AFF1: variants seen among roughly 807,000 people sequenced by gnomAD.
AFF1 encodes the protein ALF transcription elongation factor 1.
AFF1 carries 48 observed loss-of-function variants against 121.7 expected under a neutral mutation model. That is an observed-to-expected ratio of 0.39 (90% CI 0.31 to 0.50). AFF1 has a LOEUF of 0.50. Ranked by LOEUF, AFF1 falls within the 20% of genes least tolerant of loss-of-function variation. The probability of loss-of-function intolerance (pLI) is 0.76; values close to 1 mark genes in which losing one functional copy is unlikely to be tolerated. For synonymous variants in AFF1, 613 were observed against 563.0 expected, an observed-to-expected ratio of 1.09 and a Z score of -1.26; for missense variants, 1,523 against 1,511.7, an observed-to-expected ratio of 1.01 and a Z score of -0.12.
At chr4:86,993,189 G>A (rs889192294) in intron 2 of AFF1, among the ~76,000 whole-genome samples, 2 of 152,120 alleles carry the variant, frequency 1.3e-5, no homozygotes, top group African/African-American at 4.8e-5. Flanking sequence ...GGTTTTGCTT[G>A]GATTCAAACA....
rs952587683 is a variant in AFF1, at chr4:86,958,588, C to T, written c.38+10017C>T. 1.4e-3 allele frequency among the ~76,000 whole-genome samples: 206 copies of T among 151,972 alleles called. 2 individuals carry two copies. Among genetic ancestry groups the T allele is most frequent in the African/African-American group, 4.4e-3 (181 of 41,478 alleles). ...AAAAAATTAGCCGGGTGTGGTGGTA[C>T]GTGCCTGTAGTCCCAGCTACTCGGG... On this transcript the variant is annotated intron_variant, in intron 2 of 20. Coordinates refer to ENST00000395146, the MANE Select transcript of AFF1 (RefSeq NM_001166693.3).
chr4:87,069,271 C>T (rs1371858253), intron 4 of AFF1, among the ~76,000 whole-genome samples: 32 of 80,548 alleles, frequency 4.0e-4, no homozygotes, highest in South Asian at 9.5e-4. Flanking sequence ...TGTGTGGCCT[C>T]TTTTTTTTTT....
At chr4:87,112,692 C>T (rs941766539) in intron 11 of AFF1, among the ~76,000 whole-genome samples, 1 of 152,182 alleles carries the variant, frequency 6.6e-6, no homozygotes, top group African/African-American at 2.4e-5. Context: ...TCTTTCTTCC[C>T]CTTAAAACCT....
At chr4:86,964,798 T>C (rs1578859948) in intron 2 of AFF1, among the ~76,000 whole-genome samples, 1 of 152,210 alleles carries the variant, frequency 6.6e-6, no homozygotes, top group South Asian at 2.1e-4. Context: ...TAAATTTCTG[T>C]TTGCATTATT....
intron 5 of AFF1, among the ~76,000 whole-genome samples, chr4:87,089,298 T>C (rs987706162): frequency 6.6e-6 from 1 of 152,240 alleles, no homozygotes; most frequent in African/African-American, 2.4e-5. Flanking sequence ...TAGAAAAATT[T>C]GTGAATGTGT....
chr4:87,128,322 T>C (rs1728489703), intron 16 of AFF1, among the ~76,000 whole-genome samples: 1 of 152,232 alleles, frequency 6.6e-6, no homozygotes, highest in Non-Finnish European at 1.5e-5. Context: ...TTTTGGACTT[T>C]CTAAAAGGTG....
rs1279415904 is a variant in AFF1, at chr4:87,135,581, A to G, written c.3537A>G (p.Glu1179=). 6 of 1,551,252 alleles carry G rather than the reference A, an allele frequency of 3.9e-6. No individual in the cohort carries two copies. In the East Asian group the frequency reaches 1.1e-4, roughly 30 times the overall value. ...QAEALTRKNK[E]FFARLSTNVC... is the part of the protein sequence containing the mutation. ...TGTTTTGTTTTGTTTTTTTTGCAGA[A>G]TTCTTTGCTCGGCTCAGCACAAATG... is the stretch of plus-strand genomic sequence containing the variant. Residue 1179 remains glutamate (E), a splice_region_variant and synonymous_variant, in exon 21 of 21, where the codon GAA becomes GAG. Transcript: ENST00000395146.
chr4:87,069,948 G>A (rs1560595701), intron 4 of AFF1, among the ~76,000 whole-genome samples: 1 of 151,678 alleles, frequency 6.6e-6, no homozygotes, highest in Admixed American at 6.6e-5. Flanking sequence ...AGCCTCCTGA[G>A]TAGCTGGGAT....
At chr4:87,093,511 G>T (rs1167886866) in intron 7 of AFF1, among the ~76,000 whole-genome samples, 1 of 152,122 alleles carries the variant, frequency 6.6e-6, no homozygotes, top group Non-Finnish European at 1.5e-5. Context: ...CTCTGGAGAG[G>T]GGAGGTAGGG....
intron 2 of AFF1, among the ~76,000 whole-genome samples, chr4:87,021,679 C>T (rs1404428040): frequency 6.6e-6 from 1 of 152,186 alleles, no homozygotes; most frequent in Non-Finnish European, 1.5e-5. Flanking sequence ...AGAGAAATGT[C>T]TTCCTGAATC....
chr4:87,053,719 G>A (rs751952902), intron 4 of AFF1, among the ~76,000 whole-genome samples: 27 of 152,194 alleles, frequency 1.8e-4, no homozygotes, highest in Non-Finnish European at 3.7e-4. Context: ...GGTTAAAATG[G>A]TGGGCAAAAC....
intron 2 of AFF1, among the ~76,000 whole-genome samples, chr4:86,965,393 G>C (rs1330880772): frequency 6.6e-6 from 1 of 152,120 alleles, no homozygotes; most frequent in Non-Finnish European, 1.5e-5. Flanking sequence ...TTTTAACCAG[G>C]GTGTTTGGTT....
chr4:87,069,815 G>GA (rs1332020409), intron 4 of AFF1, among the ~76,000 whole-genome samples: 1 of 124,946 alleles, frequency 8.0e-6, no homozygotes. Context: ...TATCACTCAG[G>GA]ATTTTTTTTT....
intron 8 of AFF1, among the ~76,000 whole-genome samples, chr4:87,103,537 TTAGGTTTGGAA>T (rs1325945436): frequency 6.6e-6 from 1 of 152,216 alleles, no homozygotes; most frequent in East Asian, 1.9e-4. Flanking sequence ...TCCGTACTCT[TTAGGTTTGGAA>T]TAGGTTTTGT....
Position 87,047,589 on chromosome 4 carries a change from G to A in AFF1, c.1054G>A (p.Val352Ile), listed in dbSNP as rs1225682485. 1.2e-6 allele frequency: 2 copies of A among 1,614,192 alleles called. No homozygotes were observed. Among genetic ancestry groups the A allele is most frequent in the East Asian group, 2.2e-5 (1 of 44,886 alleles). Reference protein sequence around the residue: ...LTKLKMPSQSVEQTYSNEVHC... With the variant: ...LTKLKMPSQSIEQTYSNEVHC... ...CAAACTGAAGATGCCTTCTCAGTCAGTTGAGGTGTGTGGAATTTCTTATCT... is the reference window on the plus strand; with the variant it reads ...CAAACTGAAGATGCCTTCTCAGTCAATTGAGGTGTGTGGAATTTCTTATCT... Residue 352 changes from valine (V) to isoleucine (I), a missense_variant, in exon 4 of 21, where the codon GTT (valine) becomes ATT (isoleucine). Physicochemically the swap from Val to Ile is conservative, Grantham distance 29. This residue lies in a region of AFF1 where 905 missense variants were observed against 842.5 expected (regional missense o/e 1.07). Coordinates refer to ENST00000395146, the MANE Select transcript of AFF1 (RefSeq NM_001166693.3).
Position 87,114,680 on chromosome 4 carries a change from T to C in AFF1, c.1847T>C (p.Val616Ala), listed in dbSNP as rs1279657666. 4 of 1,610,782 alleles carry C rather than the reference T, an allele frequency of 2.5e-6. No individual in the cohort carries two copies. In the South Asian group the frequency reaches 4.4e-5, roughly 18 times the overall value. Residue 616 changes from valine (V) to alanine (A), a missense_variant, in exon 12 of 21, where the codon GTC becomes GCC. Around this residue, in one of 5 missense-constraint regions of AFF1, gnomAD observed 905 missense variants for 842.5 expected, o/e 1.07. Coordinates refer to ENST00000395146, the MANE Select transcript of AFF1 (RefSeq NM_001166693.3). ...GGAACCAAACAACCCAAAAAACCTG[T>C]CAAGGCCTCTGCCCGGGCAGGTTCA... ...TVGTKQPKKPVKASARAGSRT... is the reference protein window; with the variant it reads ...TVGTKQPKKPAKASARAGSRT...
intron 3 of AFF1, 120 bp downstream of exon 3, chr4:87,046,406 A>G (rs1730698593): frequency 7.5e-7 from 1 of 1,324,870 alleles, no homozygotes; most frequent in Admixed American, 2.4e-5. Flanking sequence ...AAGATAACTT[A>G]TTCTAACTTA....
chr4:87,012,223 T>C (rs951998291), intron 2 of AFF1, among the ~76,000 whole-genome samples: 1 of 128,290 alleles, frequency 7.8e-6, no homozygotes, highest in Non-Finnish European at 1.6e-5. Context: ...ATTTCTTGTT[T>C]TTTTTTTTTT....
At chr4:87,005,301 A>G (rs148189630) in intron 2 of AFF1, among the ~76,000 whole-genome samples, 507 of 152,300 alleles carry the variant, frequency 3.3e-3, no homozygotes, top group African/African-American at 0.011. Context: ...ATTCTGTTAT[A>G]CCATTGGTCA....
Sources: gnomAD v4.1 joint callset for allele counts (sites outside exome capture counted in the v4.1 genomes callset) on GRCh38, gnomAD v4.1.1 for gene constraint, gnomAD v4.1.1 regional missense constraint, MANE v1.5 for transcripts, NCBI Gene and HGNC (gene_info 2026-07-23, HGNC 2026-07-21) for gene names.